GLOD5: variants seen among roughly 807,000 people sequenced by gnomAD.
GLOD5 encodes glyoxalase domain-containing protein 5.
Under a neutral mutation model 9.9 loss-of-function variants are expected in GLOD5, and 7 were observed. That is an observed-to-expected ratio of 0.71 (90% CI 0.40 to 1.33). GLOD5 has a LOEUF of 1.33. Among genes scored for constraint, GLOD5 ranks in the 40% most tolerant of loss-of-function variants. GLOD5 has a pLI of 0.01. For missense variants in GLOD5, 146 were observed against 128.4 expected, an observed-to-expected ratio of 1.14 and a Z score of -0.66; for synonymous variants, 49 against 47.3, an observed-to-expected ratio of 1.04 and a Z score of -0.14.
In GLOD5 at chrX:48,773,373, T is replaced by C; in HGVS notation, c.421T>C (p.Ser141Pro). The C allele has an allele frequency of 8.3e-7, 1 of 1,209,351 alleles. No homozygotes were observed. ...AACAGGGGCAAAAGGGCCTATCATG[T>C]CCATCTACTTCCGAGACCCCGACAG... ...PRTGAKGPIM[S>P]IYFRDPDRNL... is the part of the protein sequence containing the mutation. Residue 141 changes from serine to proline, a missense_variant, in exon 4 of 4, where the codon TCC becomes CCC. By Grantham distance (74) the Ser-to-Pro change is moderately conservative. Transcript: ENST00000303227.
chrX:48,761,818 C>T lies in GLOD5; in HGVS notation c.28C>T (p.Pro10Ser). 8.6e-7 allele frequency: 1 copy of T among 1,166,514 alleles called. No homozygotes were observed. The highest frequency in any genetic ancestry group is 1.1e-6 in the Non-Finnish European group (1 of 872,062). Residue 10 changes from proline (P) to serine (S), a missense_variant, in exon 1 of 4, where the codon CCA becomes TCA. Physicochemically the swap from Pro to Ser is moderately conservative, Grantham distance 74. Transcript: ENST00000303227. MLRHLPSRL[P>S]VKMWGRTLEK... ...GCTGCGCCATCTGCCCTCCAGGCTG[C>T]CAGTCAAGATGTGGGGCAGGACTTT... is the stretch of plus-strand genomic sequence containing the variant.
In GLOD5 at chrX:48,773,423, C is replaced by T. The variant is rs1557017718; in HGVS notation, c.471C>T (p.Tyr157=). ...PDRNLIEVSN[Y]ISS is the part of the protein sequence containing the mutation. ...GAAATCTGATTGAGGTGTCCAACTA[C>T]ATCTCCTCGTGATGGAGGCTGGACC... The change falls in exon 4 of 4, where the codon TAC becomes TAT. Residue 157 remains tyrosine (Y), a synonymous_variant. Transcript: ENST00000303227. 35 of 1,206,672 alleles carry T rather than the reference C, an allele frequency of 2.9e-5. No homozygotes were observed. The Middle Eastern group carries it at 6.9e-4, about 24-fold the overall frequency.
chrX:48,772,382 A>C (rs2062624667), intron 3 of GLOD5, among the ~76,000 whole-genome samples: 2 of 109,458 alleles, frequency 1.8e-5, no homozygotes, highest in Admixed American at 9.8e-5. Context: ...CATAAAATAC[A>C]AAAAAAAATT....
In GLOD5 at chrX:48,764,229, T is replaced by C. The variant is rs782653591; in HGVS notation, c.64-1606T>C. On this transcript the variant is annotated intron_variant, in intron 1 of 3. Transcript: ENST00000303227. ...TCTGCAAAGGCCCATAAATGAAAGG[T>C]ACAAGGGTGGTCCTTATGAGGAACA... Among the ~76,000 whole-genome samples, 5 of 111,352 alleles carry C rather than the reference T, an allele frequency of 4.5e-5. No homozygotes were observed. The South Asian group carries it at 1.9e-3, about 42-fold the overall frequency.
intron 1 of GLOD5, among the ~76,000 whole-genome samples, chrX:48,762,910 T>C (rs2062599991): frequency 8.9e-6 from 1 of 111,947 alleles, no homozygotes; most frequent in Admixed American, 9.6e-5. Context: ...TCCCTGCTCG[T>C]CCTTGAATTT....
chrX:48,762,679 C>A (rs2062599468), intron 1 of GLOD5, among the ~76,000 whole-genome samples: 1 of 111,047 alleles, frequency 9.0e-6, no homozygotes, highest in Non-Finnish European at 1.9e-5. Context: ...TCATGTAATC[C>A]ACCCACCTTG....
chrX:48,771,646 C>T (rs2062622592), intron 3 of GLOD5, among the ~76,000 whole-genome samples: 1 of 111,727 alleles, frequency 9.0e-6, no homozygotes, highest in Non-Finnish European at 1.9e-5. Flanking sequence ...AGAAAACGTT[C>T]ATCCAAGTAC....
intron 1 of GLOD5, among the ~76,000 whole-genome samples, 159 bp downstream of exon 1, chrX:48,762,012 C>T (rs2062597558): frequency 9.0e-6 from 1 of 110,932 alleles, no homozygotes; most frequent in African/African-American, 3.3e-5. Context: ...ATGGAAAGGC[C>T]CGGCTCTAAG....
At chrX:48,772,769 T>C (rs1260579909) in intron 3 of GLOD5, among the ~76,000 whole-genome samples, 1 of 110,220 alleles carries the variant, frequency 9.1e-6, no homozygotes, top group Non-Finnish European at 1.9e-5. Flanking sequence ...CTAGGTACTA[T>C]TATCCTTCCC....
intron 1 of GLOD5, chrX:48,765,577 C>CAA (rs66661999): frequency 0.055 from 8,855 of 161,303 alleles, 95 homozygotes; most frequent in African/African-American, 0.098. Flanking sequence ...GACTCTGTCT[C>CAA]AAAAAAAAAA....
At position 48,773,177 on chromosome X, in the gene GLOD5, CTGAGA is replaced by C. The variant is rs1278724587; in HGVS notation, c.358-131_358-127del. Reference sequence around the variant, plus strand: ...AGGAGGCAGCGGAGGTTGCAGTGAGCTGAGATCTCACCACTGCACTCCAGCCTGGG... The same window carrying C: ...AGGAGGCAGCGGAGGTTGCAGTGAGCTCTCACCACTGCACTCCAGCCTGGG... On this transcript the variant is annotated intron_variant, in intron 3 of 3. Transcript: ENST00000303227. 7.1e-6 allele frequency: 5 copies of C among 703,822 alleles called. No homozygotes were observed. In the African/African-American group the frequency reaches 1.1e-4, roughly 16 times the overall value. 58.0% of individuals were successfully genotyped at this position (703,822 alleles called of 1,213,427 possible). A position where few individuals can be genotyped will look rare whatever the true frequency, so the allele number is the denominator to read the frequency against.
intron 2 of GLOD5, among the ~76,000 whole-genome samples, chrX:48,766,905 C>T (rs2062610435): frequency 1.0e-5 from 1 of 95,745 alleles, no homozygotes; most frequent in Admixed American, 1.2e-4. Flanking sequence ...GTAATCCCAG[C>T]ACTTTGGGAG....
chrX:48,764,578 G>T (rs1301334504), intron 1 of GLOD5, among the ~76,000 whole-genome samples: 1 of 96,276 alleles, frequency 1.0e-5, no homozygotes, highest in Admixed American at 1.2e-4. Context: ...TTTAGATACA[G>T]TCTTGCTCTG....
At chrX:48,766,968 A>T (rs1231240975) in intron 2 of GLOD5, among the ~76,000 whole-genome samples, 9 of 86,339 alleles carry the variant, frequency 1.0e-4, no homozygotes, top group Non-Finnish European at 1.6e-4. Flanking sequence ...CCTGGGTGAC[A>T]GAGCAAGATT....
intron 1 of GLOD5, among the ~76,000 whole-genome samples, chrX:48,763,551 G>A (rs1238432161): frequency 3.6e-5 from 4 of 110,552 alleles, no homozygotes; most frequent in African/African-American, 1.3e-4. Flanking sequence ...AAAATAGTTG[G>A]GCATGGTGGC....
chrX:48,761,934 G>A (rs182467179), intron 1 of GLOD5, 81 bp downstream of exon 1: 13 of 755,769 alleles, frequency 1.7e-5, no homozygotes, highest in Admixed American at 5.6e-5. Flanking sequence ...CCTTCTCTGC[G>A]GGCTCCCATT....
chrX:48,763,441 A>G (rs955905766), intron 1 of GLOD5, among the ~76,000 whole-genome samples: 26 of 111,668 alleles, frequency 2.3e-4, no homozygotes, highest in African/African-American at 5.2e-4. Context: ...ACACTCTGGG[A>G]GGCTGAGGAG....
chrX:48,766,069 T>C, intron 2 of GLOD5, 97 bp downstream of exon 2: 4 of 818,888 alleles, frequency 4.9e-6, no homozygotes, highest in Non-Finnish European at 5.4e-6. Flanking sequence ...CCACAGGAAA[T>C]CTGAGAGAAA....
intron 3 of GLOD5, among the ~76,000 whole-genome samples, 161 bp from the exon 4 acceptor site, chrX:48,773,149 C>T (rs2062626813): frequency 9.2e-6 from 1 of 108,409 alleles, no homozygotes; most frequent in Admixed American, 9.8e-5. Flanking sequence ...ATTGCTTGAG[C>T]CTAGGAGGCA....
Sources: gnomAD v4.1 joint callset for allele counts (sites outside exome capture counted in the v4.1 genomes callset) on GRCh38, gnomAD v4.1.1 for gene constraint, MANE v1.5 for transcripts, NCBI Gene and HGNC (gene_info 2026-07-23, HGNC 2026-07-21) for gene names.